The following CAMSAP2 variants were observed in gnomAD, a reference collection of about 807,000 sequenced individuals.
CAMSAP2 encodes calmodulin-regulated spectrin-associated protein 2.
CAMSAP2 carries 26 observed loss-of-function variants against 146.1 expected under a neutral mutation model. The ratio of observed to expected loss-of-function variants is 0.18; its 90% CI spans 0.13 to 0.25. The LOEUF (loss-of-function observed/expected upper bound fraction) is 0.25. CAMSAP2 is among the 10% of genes least tolerant of loss of function. The pLI is 1.00. For missense variants in CAMSAP2, 1,381 were observed against 1,759.3 expected (o/e 0.78, Z 3.85); for synonymous variants, 499 against 596.6 (o/e 0.84, Z 2.38).
In CAMSAP2 at chr1:200,813,631, G is replaced by A. The variant is rs546572381; in HGVS notation, c.562-1930G>A. Reference sequence around the variant, plus strand: ...TGTGCACATACATGAGTGAATGGTGGTTTAAAATGTTAATTTGTGACCACT... The same window carrying A: ...TGTGCACATACATGAGTGAATGGTGATTTAAAATGTTAATTTGTGACCACT... On this transcript the variant is annotated intron_variant, in intron 3 of 16. Transcript: ENST00000358823. Among the ~76,000 whole-genome samples, 3 of 152,228 alleles carry A rather than the reference G, an allele frequency of 2.0e-5. No individual in the cohort carries two copies. The South Asian group carries it at 6.2e-4, about 32-fold the overall frequency.
At chr1:200,852,752 G>C in intron 12 of CAMSAP2, 75 bp downstream of exon 12, 1 of 1,463,896 alleles carries the variant, frequency 6.8e-7, no homozygotes, top group Non-Finnish European at 9.2e-7. Flanking sequence ...AAGTTGGTAA[G>C]TACTCAAAGA....
rs533940861 is a variant in CAMSAP2, at chr1:200,815,464, G to A, written c.562-97G>A. ...GACTGATATTTGACATCAGGGCTCT[G>A]ACTATAGGCATCTTAATGTGTGTTA... On this transcript the variant is annotated intron_variant, in intron 3 of 16. Coordinates refer to ENST00000358823, the MANE Select transcript of CAMSAP2 (RefSeq NM_203459.4). 148 of 547,330 alleles carry A rather than the reference G, an allele frequency of 2.7e-4. No individual in the cohort carries two copies. In the African/African-American group the frequency reaches 2.7e-3, roughly 10 times the overall value. The allele number at this position is 547,330 out of a possible 1,614,324, so 33.9% of individuals were successfully genotyped here.
At chr1:200,764,564 A>G (rs1236133999) in intron 2 of CAMSAP2, among the ~76,000 whole-genome samples, 1 of 152,230 alleles carries the variant, frequency 6.6e-6, no homozygotes, top group African/African-American at 2.4e-5. Flanking sequence ...GTAGAGAAGA[A>G]ATTTAAATTC....
chr1:200,743,477 A>G lies in CAMSAP2; in HGVS notation c.139+3511A>G, dbSNP rs1216461340. Among the ~76,000 whole-genome samples, 3 of 152,154 alleles carry G rather than the reference A, an allele frequency of 2.0e-5. 1 individual carries two copies. Among genetic ancestry groups the G allele is most frequent in the African/African-American group, 7.2e-5 (3 of 41,416 alleles). ...GAGAGCAGTGGGTAGCATTGTGGTT[A>G]AGAGAGACCCGTAGCAGAGGGGCCA... is the stretch of plus-strand genomic sequence containing the variant. On this transcript the variant is annotated intron_variant, in intron 1 of 16. Coordinates refer to ENST00000358823, the MANE Select transcript of CAMSAP2 (RefSeq NM_203459.4).
chr1:200,756,276 A>T (rs1285449640), intron 1 of CAMSAP2, among the ~76,000 whole-genome samples: 1 of 152,030 alleles, frequency 6.6e-6, no homozygotes, highest in Non-Finnish European at 1.5e-5. Context: ...AACATAGTGA[A>T]ACCCCATCTC....
At chr1:200,816,033 C>T (rs940526738) in intron 4 of CAMSAP2, among the ~76,000 whole-genome samples, 19 of 152,192 alleles carry the variant, frequency 1.2e-4, no homozygotes, top group African/African-American at 3.6e-4. Context: ...CGATGGCTCA[C>T]GCCTGTAATA....
intron 2 of CAMSAP2, among the ~76,000 whole-genome samples, chr1:200,794,855 G>A (rs1571762407): frequency 1.3e-5 from 2 of 152,158 alleles, no homozygotes; most frequent in African/African-American, 4.8e-5. Flanking sequence ...AGTCTGCCTG[G>A]GCAGTCCTCA....
rs935265798 is a variant in CAMSAP2, at chr1:200,750,236, G to A, written c.139+10270G>A. Among the ~76,000 whole-genome samples the A allele has an allele frequency of 2.6e-5, 4 of 152,140 alleles. No individual in the cohort carries two copies. In the South Asian group the frequency reaches 6.2e-4, roughly 24 times the overall value. ...AACCTGGAGTCTGAGATTGTGAGAA[G>A]GGGGAAGACTTTAGCCTGGATTCTG... On this transcript the variant is annotated intron_variant, in intron 1 of 16. Coordinates refer to ENST00000358823, the MANE Select transcript of CAMSAP2 (RefSeq NM_203459.4).
chr1:200,819,475 A>G (rs1166221546), intron 4 of CAMSAP2, among the ~76,000 whole-genome samples: 1 of 152,220 alleles, frequency 6.6e-6, no homozygotes, highest in Non-Finnish European at 1.5e-5. Context: ...TTTATAGCCA[A>G]GATGACATTA....
At chr1:200,763,542 T>TA (rs1455939728) in intron 2 of CAMSAP2, among the ~76,000 whole-genome samples, 3 of 152,100 alleles carry the variant, frequency 2.0e-5, no homozygotes, top group Non-Finnish European at 4.4e-5. Flanking sequence ...GACTTTGTCT[T>TA]AAAAACCAAC....
chr1:200,830,956 A>T (rs1412617906), intron 4 of CAMSAP2, among the ~76,000 whole-genome samples: 1 of 152,202 alleles, frequency 6.6e-6, no homozygotes, highest in Non-Finnish European at 1.5e-5. Context: ...TCTGAGAGAT[A>T]GCATTGAAAA....
intron 2 of CAMSAP2, among the ~76,000 whole-genome samples, chr1:200,799,076 T>A (rs956595525): frequency 6.6e-6 from 1 of 152,182 alleles, no homozygotes; most frequent in Non-Finnish European, 1.5e-5. Context: ...TTGCCAGTGT[T>A]TTATTGAGGG....
chr1:200,848,320 C>T lies in CAMSAP2; in HGVS notation c.1551C>T (p.Tyr517=), dbSNP rs1403371286. ...TAAATTCTAATGAGAATATTCATTA[C>T]AAGCTTCCAAATGGAGCTTTACAAA... ...NELNSNENIH[Y]KLPNGALQNR... is the part of the protein sequence containing the mutation. Residue 517 remains tyrosine (Y), a synonymous_variant, in exon 11 of 17, where the codon TAC becomes TAT. Transcript: ENST00000358823. 1.3e-5 allele frequency: 21 copies of T among 1,613,504 alleles called. No individual in the cohort carries two copies. The highest frequency in any genetic ancestry group is 1.8e-5 in the Non-Finnish European group (21 of 1,179,768).
At chr1:200,749,595 T>G (rs1221559735) in intron 1 of CAMSAP2, among the ~76,000 whole-genome samples, 1 of 152,244 alleles carries the variant, frequency 6.6e-6, no homozygotes, top group African/African-American at 2.4e-5. Context: ...TGCTATTAAC[T>G]GCTTACCTTT....
chr1:200,764,554 G>A (rs1460277667), intron 2 of CAMSAP2, among the ~76,000 whole-genome samples: 2 of 152,124 alleles, frequency 1.3e-5, no homozygotes, highest in Non-Finnish European at 2.9e-5. Context: ...AATTTAAAAT[G>A]TAGAGAAGAA....
chr1:200,783,412 A>T (rs1179519459), intron 2 of CAMSAP2, among the ~76,000 whole-genome samples: 4 of 152,158 alleles, frequency 2.6e-5, no homozygotes, highest in Admixed American at 6.5e-5. Flanking sequence ...GGAGTTATTT[A>T]TACTGAATAC....
intron 1 of CAMSAP2, among the ~76,000 whole-genome samples, chr1:200,755,220 AAC>A (rs1248192626): frequency 6.6e-6 from 1 of 152,212 alleles, no homozygotes; most frequent in Non-Finnish European, 1.5e-5. Context: ...GCTTATTGCT[AAC>A]AGTGTTATTT....
chr1:200,764,527 T>C (rs1249491347), intron 2 of CAMSAP2, among the ~76,000 whole-genome samples: 1 of 152,240 alleles, frequency 6.6e-6, no homozygotes, highest in African/African-American at 2.4e-5. Context: ...CATTTTTATA[T>C]GATTTTACTG....
At chr1:200,776,962 C>T (rs1365818224) in intron 2 of CAMSAP2, among the ~76,000 whole-genome samples, 1 of 152,074 alleles carries the variant, frequency 6.6e-6, no homozygotes, top group African/African-American at 2.4e-5. Flanking sequence ...TGCCTCAAGG[C>T]CCCTTATGTG....
Sources: gnomAD v4.1 joint callset for allele counts (sites outside exome capture counted in the v4.1 genomes callset) on GRCh38, gnomAD v4.1.1 for gene constraint, MANE v1.5 for transcripts, NCBI Gene and HGNC (gene_info 2026-07-23, HGNC 2026-07-21) for gene names.